ADCY1: variants seen among roughly 807,000 people sequenced by gnomAD.
ADCY1 encodes the protein adenylate cyclase 1.
ADCY1 carries 28 observed loss-of-function variants against 105.4 expected under a neutral mutation model. That is an observed-to-expected ratio of 0.27 (90% confidence interval 0.20 to 0.36). ADCY1 has a LOEUF of 0.36. Among genes scored for constraint, ADCY1 ranks in the 10% least tolerant of loss-of-function variants. The pLI is 1.00. For synonymous variants in ADCY1, 655 were observed against 623.8 expected (o/e 1.05, Z -0.75); for missense variants, 977 against 1,434.2 (o/e 0.68, Z 5.15).
chr7:45,619,064 A>T (rs182591946), intron 3 of ADCY1, among the ~76,000 whole-genome samples: 1 of 152,322 alleles, frequency 6.6e-6, no homozygotes, highest in East Asian at 1.9e-4. Context: ...TTGTGTCAAC[A>T]TGGGTGTTCC....
At chr7:45,702,367 G>A (rs146065617) in intron 14 of ADCY1, among the ~76,000 whole-genome samples, 21 of 152,324 alleles carry the variant, frequency 1.4e-4, no homozygotes, top group African/African-American at 3.1e-4. Context: ...TGCTGGCCGG[G>A]TCACCAGCCA....
At chr7:45,688,575 G>T (rs921261932) in intron 14 of ADCY1, among the ~76,000 whole-genome samples, 6 of 152,210 alleles carry the variant, frequency 3.9e-5, no homozygotes, top group Non-Finnish European at 7.3e-5. Context: ...GACAGGGCAG[G>T]ATGCATATTT....
chr7:45,659,587 A>T (rs1795036232), intron 6 of ADCY1, among the ~76,000 whole-genome samples: 1 of 152,090 alleles, frequency 6.6e-6, no homozygotes, highest in Non-Finnish European at 1.5e-5. Flanking sequence ...CTCATGTGTG[A>T]ACACCGTGGC....
chr7:45,696,405 C>G (rs921771242), intron 14 of ADCY1, among the ~76,000 whole-genome samples: 1 of 137,718 alleles, frequency 7.3e-6, no homozygotes, highest in Non-Finnish European at 1.5e-5. Context: ...CCCCACTGCA[C>G]TCCAGCCTGG....
At chr7:45,631,316 G>A (rs76062539) in intron 4 of ADCY1, among the ~76,000 whole-genome samples, 13,706 of 152,228 alleles carry the variant, frequency 0.09, 686 homozygotes, top group South Asian at 0.16. Context: ...TTAGAGAATT[G>A]TCAAATAACG....
At position 45,656,701 on chromosome 7, in the gene ADCY1, G is replaced by A. The variant is rs78625158; in HGVS notation, c.1149-1026G>A. ...AACCAGACACAGGCTTCTCGGGTGGGTGGCACAGCCTTGCCTTGCATGTAC... is the reference window on the plus strand; with the variant it reads ...AACCAGACACAGGCTTCTCGGGTGGATGGCACAGCCTTGCCTTGCATGTAC... On this transcript the variant is annotated intron_variant, in intron 5 of 19. Coordinates refer to ENST00000297323, the MANE Select transcript of ADCY1 (RefSeq NM_021116.4). 1.2e-3 allele frequency among the ~76,000 whole-genome samples: 184 copies of A among 152,338 alleles called. 2 individuals are homozygous for A. The East Asian group carries it at 0.033, about 27-fold the overall frequency.
intron 5 of ADCY1, among the ~76,000 whole-genome samples, chr7:45,650,795 A>G (rs1188205232): frequency 6.6e-6 from 1 of 152,016 alleles, no homozygotes. Flanking sequence ...ATGGGTTATA[A>G]GCTGTTTCTG....
chr7:45,667,252 A>G (rs1177658312), intron 8 of ADCY1, among the ~76,000 whole-genome samples: 1 of 152,168 alleles, frequency 6.6e-6, no homozygotes, highest in African/African-American at 2.4e-5. Context: ...TAAGGTTTTT[A>G]TGGTTTTAGG....
chr7:45,688,461 T>C (rs1032038776), intron 14 of ADCY1, among the ~76,000 whole-genome samples: 2 of 152,124 alleles, frequency 1.3e-5, no homozygotes, highest in African/African-American at 4.8e-5. Context: ...GTGAGGAGCA[T>C]CTGGAGGCAA....
chr7:45,654,270 C>G (rs763457193), intron 5 of ADCY1, among the ~76,000 whole-genome samples: 1 of 152,214 alleles, frequency 6.6e-6, no homozygotes, highest in Non-Finnish European at 1.5e-5. Context: ...AACCGTGAAT[C>G]AGATTTTGAA....
intron 4 of ADCY1, among the ~76,000 whole-genome samples, chr7:45,643,594 A>G (rs1216490379): frequency 1.3e-5 from 2 of 152,124 alleles, no homozygotes; most frequent in Non-Finnish European, 2.9e-5. Flanking sequence ...TGCTGGTAAC[A>G]GGTTTATTTC....
intron 2 of ADCY1, among the ~76,000 whole-genome samples, chr7:45,602,079 G>A (rs1793254605): frequency 6.6e-6 from 1 of 152,038 alleles, no homozygotes; most frequent in Non-Finnish European, 1.5e-5. Flanking sequence ...GGGTTTGCCA[G>A]GTAGAGGCAG....
rs1562731746 is a variant in ADCY1, at chr7:45,703,546, C to G, written c.2571+54C>G. On this transcript the variant is annotated intron_variant, in intron 15 of 19. Coordinates refer to ENST00000297323, the MANE Select transcript of ADCY1 (RefSeq NM_021116.4). This position sits in a 1 kb window ranked among gnomAD's most constrained non-coding sequence, Gnocchi z 5.9. ...ACTAGCCCTACACTGCTCTGGCCAC[C>G]CCACTTGGCGCTCACCTGGCTGACC... 3.7e-6 allele frequency: 6 copies of G among 1,612,684 alleles called. No homozygotes were observed. The East Asian group carries it at 1.3e-4, about 36-fold the overall frequency.
intron 4 of ADCY1, among the ~76,000 whole-genome samples, chr7:45,630,633 TCA>T (rs1001669011): frequency 3.9e-5 from 6 of 152,180 alleles, no homozygotes; most frequent in African/African-American, 1.4e-4. Context: ...CTGTTTTCTC[TCA>T]CTCTCTGCCT....
chr7:45,645,375 G>A (rs12155410), intron 4 of ADCY1, among the ~76,000 whole-genome samples: 31,050 of 151,942 alleles, frequency 0.2, 3,584 homozygotes, highest in East Asian at 0.41. Context: ...CAGCCCCACA[G>A]CAATGTCCTT....
intron 3 of ADCY1, among the ~76,000 whole-genome samples, chr7:45,619,816 G>A (rs1034090583): frequency 6.6e-6 from 1 of 152,098 alleles, no homozygotes; most frequent in African/African-American, 2.4e-5. Flanking sequence ...CATGCGGCAT[G>A]GTCACAATAT....
At chr7:45,643,107 TTCTG>T (rs1449923306) in intron 4 of ADCY1, among the ~76,000 whole-genome samples, 1 of 151,016 alleles carries the variant, frequency 6.6e-6, no homozygotes, top group Non-Finnish European at 1.5e-5. Context: ...ACTTTCTGTT[TTCTG>T]TCTTTTTTTT....
chr7:45,674,294 G>A (rs1157786412), intron 8 of ADCY1, among the ~76,000 whole-genome samples: 1 of 152,086 alleles, frequency 6.6e-6, no homozygotes, highest in Non-Finnish European at 1.5e-5. Flanking sequence ...GTTTGATGAT[G>A]TCTTAGCTTA....
chr7:45,672,702 T>A (rs945063112), intron 8 of ADCY1, among the ~76,000 whole-genome samples: 7 of 152,194 alleles, frequency 4.6e-5, no homozygotes, highest in African/African-American at 1.2e-4. Flanking sequence ...AGGATTTTTT[T>A]AATATATATA....
Sources: gnomAD v4.1 joint callset for allele counts (sites outside exome capture counted in the v4.1 genomes callset) on GRCh38, gnomAD v4.1.1 for gene constraint, Gnocchi (gnomAD v3.1) non-coding constraint, MANE v1.5 for transcripts, NCBI Gene and HGNC (gene_info 2026-07-23, HGNC 2026-07-21) for gene names.